ERI2: variants seen among roughly 807,000 people sequenced by gnomAD.
The protein encoded by ERI2 is ERI1 exoribonuclease 2.
In ERI2, 35 loss-of-function variants were observed where a neutral mutation model predicts 46.8. The ratio of observed to expected loss-of-function variants is 0.75; its 90% CI spans 0.57 to 0.99. ERI2 has a LOEUF of 0.99. Among genes scored for constraint, ERI2 ranks in the 50% least tolerant of loss-of-function variants. ERI2 has a pLI of 0.00. For synonymous variants in ERI2, 224 were observed against 271.0 expected, an observed-to-expected ratio of 0.83 and a Z score of 1.70; for missense variants, 695 against 796.2, an observed-to-expected ratio of 0.87 and a Z score of 1.53.
chr16:20,785,077 T>C, intron 10 of ERI2: 1 of 1,613,528 alleles, frequency 6.2e-7, no homozygotes, highest in East Asian at 2.2e-5. Context: ...CGGGCCTGGA[T>C]ATCTACGAAG....
intron 10 of ERI2, chr16:20,781,278 A>C (rs1214821969): frequency 9.9e-7 from 1 of 1,010,334 alleles, no homozygotes; most frequent in East Asian, 2.6e-5. Flanking sequence ...GCCTGAAAAG[A>C]TACACTCGGC....
At position 20,796,996 on chromosome 16, in the gene ERI2, C is replaced by T; in HGVS notation, c.*728G>A. 6.2e-7 allele frequency: 1 copy of T among 1,606,424 alleles called. No individual in the cohort carries two copies. Among genetic ancestry groups the T allele is most frequent in the African/African-American group, 1.3e-5 (1 of 74,576 alleles). Reference sequence around the variant, plus strand: ...AAAGTTGTTTCATTAATTACCATATCTATAAAACAAACATAGTATCTGTCA... The same window carrying T: ...AAAGTTGTTTCATTAATTACCATATTTATAAAACAAACATAGTATCTGTCA... On this transcript the variant is annotated 3_prime_UTR_variant, in exon 9 of 9. Coordinates refer to ENST00000357967, the MANE Select transcript of ERI2 (RefSeq NM_001142725.2).
In ERI2 at chr16:20,796,808, T is replaced by C. The variant is rs1339449178; in HGVS notation, c.*916A>G. On this transcript the variant is annotated 3_prime_UTR_variant, in exon 9 of 9. Transcript: ENST00000357967. ...TTCTAATTCTTCCACCTAGAATTCA[T>C]AATCAAACTGCTATATAATTGGCTT... The C allele has an allele frequency of 3.8e-6, 6 of 1,584,918 alleles. No individual in the cohort carries two copies. Among genetic ancestry groups the C allele is most frequent in the Non-Finnish European group, 4.3e-6 (5 of 1,170,910 alleles).
chr16:20,786,705 T>C (rs774077007), intron 10 of ERI2, among the ~76,000 whole-genome samples: 2 of 152,070 alleles, frequency 1.3e-5, no homozygotes, highest in East Asian at 1.9e-4. Context: ...TATTAACCCA[T>C]TGAATTTCCA....
At chr16:20,799,908 G>T in intron 7 of ERI2, 49 bp downstream of exon 7, 2 of 1,094,156 alleles carry the variant, frequency 1.8e-6, no homozygotes, top group Non-Finnish European at 2.7e-6. Context: ...TTCATATGAA[G>T]TATTTTTTAA....
chr16:20,786,082 TA>T, intron 10 of ERI2: 3 of 1,589,050 alleles, frequency 1.9e-6, no homozygotes, highest in Non-Finnish European at 1.7e-6. Context: ...AACTAGGTGC[TA>T]ATCTGTGGAA....
At chr16:20,800,973 A>G (rs2080789395) in intron 5 of ERI2, among the ~76,000 whole-genome samples, 1 of 152,300 alleles carries the variant, frequency 6.6e-6, no homozygotes, top group South Asian at 2.1e-4. Context: ...CTCTAGAAAC[A>G]TTTTTTTAAG....
intron 10 of ERI2, among the ~76,000 whole-genome samples, chr16:20,781,437 T>G (rs994501098): frequency 3.3e-5 from 5 of 152,176 alleles, no homozygotes; most frequent in African/African-American, 1.2e-4. Context: ...GCATTTACAT[T>G]GTTTTAGGCA....
chr16:20,803,595 C>A lies in ERI2; in HGVS notation c.91+8G>T. 6.2e-7 allele frequency: 1 copy of A among 1,614,156 alleles called. No individual in the cohort carries two copies. Among genetic ancestry groups the A allele is most frequent in the Non-Finnish European group, 8.5e-7 (1 of 1,180,008 alleles). On this transcript the variant is annotated splice_region_variant and intron_variant, in intron 2 of 8. Transcript: ENST00000357967. ...ACAAAATGCAAAGAAACTAAGCATA[C>A]TACTCACTGGATTTGCTTCTTCCGA... is the stretch of plus-strand genomic sequence containing the variant.
chr16:20,803,062 G>A (rs1351967439), intron 3 of ERI2, 139 bp from the exon 4 acceptor site: 6 of 859,356 alleles, frequency 7.0e-6, no homozygotes, highest in Non-Finnish European at 1.0e-5. Context: ...CCAAAGCAGT[G>A]TGACATAAAG....
At chr16:20,780,955 C>G (rs1219777760) in intron 10 of ERI2, 2 of 1,613,792 alleles carry the variant, frequency 1.2e-6, no homozygotes, top group Non-Finnish European at 1.7e-6. Context: ...TACATCAGGG[C>G]TACTCTTTGT....
chr16:20,781,835 G>A, intron 10 of ERI2: 1 of 1,408,156 alleles, frequency 7.1e-7, no homozygotes, highest in Non-Finnish European at 1.0e-6. Context: ...GGGGAGAAGA[G>A]GAAGCTATAA....
At chr16:20,799,873 C>A in intron 7 of ERI2, 84 bp downstream of exon 7, 5 of 775,130 alleles carry the variant, frequency 6.5e-6, no homozygotes, top group East Asian at 2.5e-5. Flanking sequence ...ATATCCCTTA[C>A]TAATGACATT....
Position 20,802,894 on chromosome 16 carries a change from A to C in ERI2, c.205T>G (p.Ser69Ala), listed in dbSNP as rs775740361. 64 of 1,608,354 alleles carry C rather than the reference A, an allele frequency of 4.0e-5. No individual in the cohort carries two copies. The highest frequency in any genetic ancestry group is 5.4e-5 in the Non-Finnish European group (63 of 1,176,034). Reference protein sequence around the residue: ...IEFPAVLLNTSTGQIDSEFQA... With the variant: ...IEFPAVLLNTATGQIDSEFQA... ...AACTCAGAGTCAATCTGTCCAGTTG[A>C]TGTGTTCAGCAACACTGCTGGAAAC... Residue 69 changes from serine (S) to alanine (A), a missense_variant, in exon 4 of 9, where the codon TCA becomes GCA. By Grantham distance (99) the Ser-to-Ala change is moderately conservative. Transcript: ENST00000357967.
At chr16:20,782,235 TTTTTGTTTTG>T (rs1300580247) in intron 10 of ERI2, among the ~76,000 whole-genome samples, 1 of 152,170 alleles carries the variant, frequency 6.6e-6, no homozygotes, top group East Asian at 1.9e-4. Flanking sequence ...TTTGTTTTTG[TTTTTGTTTTG>T]TTTTGTTTTG....
downstream of ERI2, among the ~76,000 whole-genome samples, chr16:20,791,525 C>T (rs564118683): frequency 3.5e-4 from 53 of 152,314 alleles, no homozygotes; most frequent in Non-Finnish European, 4.6e-4. Context: ...TTTCTTCTGT[C>T]GGGCTAGCTC....
chr16:20,794,358 C>T (rs532286954), downstream of ERI2, among the ~76,000 whole-genome samples: 9 of 152,234 alleles, frequency 5.9e-5, no homozygotes, highest in South Asian at 1.7e-3. Context: ...TGAAGAAAAC[C>T]ATAGGCCACT....
chr16:20,801,904 G>A (rs2080799673), intron 4 of ERI2, among the ~76,000 whole-genome samples: 1 of 151,986 alleles, frequency 6.6e-6, no homozygotes. Context: ...AATCACAGGT[G>A]TGTAACACCA....
rs1157948641 is a variant in ERI2 at position 20,798,856 on chromosome 16, T to C, written c.944A>G (p.Asn315Ser). 8 of 1,550,750 alleles carry C rather than the reference T, an allele frequency of 5.2e-6. No homozygotes were observed. In the South Asian group the frequency reaches 6.0e-5, roughly 12 times the overall value. ...ATTGTGAAGACTTGCTTTTATATTG[T>C]TTTTTACTTGTAATTGATCCTGTTG... ...KAQQDQLQVK[N>S]NIKASLHNVK... The change falls in exon 9 of 9, where the codon AAC becomes AGC. Residue 315 changes from asparagine to serine, a missense_variant. Coordinates refer to ENST00000357967, the MANE Select transcript of ERI2 (RefSeq NM_001142725.2).
Sources: gnomAD v4.1 joint callset for allele counts (sites outside exome capture counted in the v4.1 genomes callset) on GRCh38, gnomAD v4.1.1 for gene constraint, MANE v1.5 for transcripts, NCBI Gene and HGNC (gene_info 2026-07-23, HGNC 2026-07-21) for gene names.